Variants in PCDHA13 observed in about 807,000 individuals in gnomAD.
PCDHA13 encodes protocadherin alpha-13.
A neutral mutation model predicts 64.8 loss-of-function variants in PCDHA13; 54 were observed. That is an observed-to-expected ratio of 0.83 (90% CI 0.67 to 1.04). The LOEUF (loss-of-function observed/expected upper bound fraction) is 1.04. Ranked by LOEUF, PCDHA13 falls within the 50% of genes least tolerant of loss-of-function variation. PCDHA13 has a pLI of 0.00. For missense variants in PCDHA13, 1,248 were observed against 1,254.3 expected (o/e 0.99, Z 0.08); for synonymous variants, 587 against 564.4 (o/e 1.04, Z -0.57).
chr5:140,993,528 A>T lies in PCDHA13; in HGVS notation c.2542+10965A>T, dbSNP rs78672098. On this transcript the variant is annotated intron_variant, in intron 3 of 3. Transcript: ENST00000289272. ...CACACACGGGGAGAGAGAGACAGAG[A>T]GAGAGAGAGATAGAGAAGTGAAGTA... Among the ~76,000 whole-genome samples the T allele has an allele frequency of 6.6e-5, 10 of 152,092 alleles. No individual in the cohort carries two copies. In the East Asian group the frequency reaches 1.2e-3, roughly 18 times the overall value.
At chr5:140,915,732 G>A (rs1454734995) in intron 1 of PCDHA13, among the ~76,000 whole-genome samples, 2 of 151,870 alleles carry the variant, frequency 1.3e-5, no homozygotes, top group East Asian at 3.9e-4. Flanking sequence ...ATTGTGCTGG[G>A]TCAGACCTAT....
At chr5:140,983,379 C>T (rs1169260784) in intron 3 of PCDHA13, among the ~76,000 whole-genome samples, 1 of 152,162 alleles carries the variant, frequency 6.6e-6, no homozygotes, top group Non-Finnish European at 1.5e-5. Context: ...AGGCCCATCG[C>T]TGTGGCAGTT....
At chr5:140,978,566 T>G (rs1554239422) in intron 1 of PCDHA13, among the ~76,000 whole-genome samples, 1 of 152,204 alleles carries the variant, frequency 6.6e-6, no homozygotes, top group East Asian at 1.9e-4. Flanking sequence ...ATAGCTGTAA[T>G]ACTGAATTGG....
At chr5:140,893,608 T>C (rs2064082274) in intron 1 of PCDHA13, among the ~76,000 whole-genome samples, 1 of 152,256 alleles carries the variant, frequency 6.6e-6, no homozygotes, top group African/African-American at 2.4e-5. Flanking sequence ...TTCTCCTTCA[T>C]TTCTGAAGTA....
intron 1 of PCDHA13, among the ~76,000 whole-genome samples, chr5:140,909,441 C>A (rs971678951): frequency 2.6e-5 from 4 of 152,214 alleles, no homozygotes; most frequent in African/African-American, 9.7e-5. Flanking sequence ...AATCCACTGT[C>A]ATTCTCCAAG....
At position 141,009,849 on chromosome 5, in the gene PCDHA13, C is replaced by T. The variant is rs782348993; in HGVS notation, c.2765C>T (p.Thr922Ile). 54 of 1,613,364 alleles carry T rather than the reference C, an allele frequency of 3.3e-5. No individual in the cohort carries two copies. The South Asian group carries it at 5.8e-4, about 17-fold the overall frequency. ...DFITFGKKEETKKKKKKKKGN... is the reference protein window; with the variant it reads ...DFITFGKKEEIKKKKKKKKGN... ...ATAACCTTCGGCAAAAAGGAGGAGA[C>T]CAAGAAAAAGAAGAAAAAGAAGAAG... Residue 922 changes from threonine to isoleucine, a missense_variant, in exon 4 of 4, where the codon ACC becomes ATC. Transcript: ENST00000289272.
intron 1 of PCDHA13, among the ~76,000 whole-genome samples, chr5:140,954,414 G>A (rs1322356989): frequency 1.3e-5 from 2 of 152,010 alleles, no homozygotes; most frequent in Non-Finnish European, 2.9e-5. Flanking sequence ...GGGTAAAGGT[G>A]TTCCTTTTTC....
chr5:140,893,817 C>T (rs951661016), intron 1 of PCDHA13, among the ~76,000 whole-genome samples: 73 of 152,098 alleles, frequency 4.8e-4, no homozygotes, highest in African/African-American at 1.7e-3. Context: ...AGTCTGGTAC[C>T]GTAGACTACT....
intron 1 of PCDHA13, among the ~76,000 whole-genome samples, chr5:140,887,600 G>A (rs1306659335): frequency 6.6e-6 from 1 of 151,812 alleles, no homozygotes; most frequent in African/African-American, 2.4e-5. Context: ...TGATTGTGAT[G>A]TGCTTTAGTA....
chr5:140,927,236 T>G, intron 1 of PCDHA13: 1 of 1,614,120 alleles, frequency 6.2e-7, no homozygotes, highest in Non-Finnish European at 8.5e-7. Context: ...ATTCACGTCC[T>G]GGACACCAAT....
intron 3 of PCDHA13, among the ~76,000 whole-genome samples, chr5:140,985,205 G>C (rs1554246849): frequency 6.6e-6 from 1 of 152,092 alleles, no homozygotes; most frequent in African/African-American, 2.4e-5. Flanking sequence ...CCAAAGTGTT[G>C]GGATTACAGG....
At chr5:140,929,414 A>T (rs1174756115) in intron 1 of PCDHA13, 15 of 1,504,422 alleles carry the variant, frequency 1.0e-5, no homozygotes, top group Non-Finnish European at 1.3e-5. Context: ...GCCTTTCACA[A>T]CATTTCATCA....
chr5:140,908,824 C>T (rs1199416548), intron 1 of PCDHA13, among the ~76,000 whole-genome samples: 1 of 152,082 alleles, frequency 6.6e-6, no homozygotes, highest in African/African-American at 2.4e-5. Flanking sequence ...TTGGGTTACT[C>T]GATAAATGGG....
chr5:140,901,917 T>C (rs776284320), intron 1 of PCDHA13, among the ~76,000 whole-genome samples: 15 of 152,090 alleles, frequency 9.9e-5, no homozygotes, highest in Admixed American at 4.6e-4. Context: ...ATCTTTCACT[T>C]CTTTGGTTAA....
chr5:140,943,800 A>G (rs1470801059), intron 1 of PCDHA13, among the ~76,000 whole-genome samples: 1 of 152,218 alleles, frequency 6.6e-6, no homozygotes, highest in East Asian at 1.9e-4. Flanking sequence ...GCAAAGCAAA[A>G]GAGGAAAGTT....
intron 1 of PCDHA13, among the ~76,000 whole-genome samples, chr5:140,909,670 G>C (rs940080549): frequency 6.6e-6 from 1 of 152,142 alleles, no homozygotes; most frequent in African/African-American, 2.4e-5. Flanking sequence ...CACTCTACCA[G>C]TCAGGGAGCC....
intron 1 of PCDHA13, among the ~76,000 whole-genome samples, chr5:140,924,043 G>C (rs2081638586): frequency 6.6e-6 from 1 of 152,176 alleles, no homozygotes; most frequent in Non-Finnish European, 1.5e-5. Flanking sequence ...AGACCTAAAA[G>C]TTCGGTACAT....
intron 1 of PCDHA13, among the ~76,000 whole-genome samples, chr5:140,974,827 G>A (rs1356890991): frequency 6.6e-6 from 1 of 152,182 alleles, no homozygotes; most frequent in Admixed American, 6.5e-5. Flanking sequence ...GCAACATAAT[G>A]ATTATTTTAA....
At chr5:140,984,339 A>G (rs956761683) in intron 3 of PCDHA13, among the ~76,000 whole-genome samples, 2 of 152,246 alleles carry the variant, frequency 1.3e-5, no homozygotes, top group Non-Finnish European at 2.9e-5. Context: ...AATAGGAACC[A>G]TGTATTGATA....
Sources: gnomAD v4.1 joint callset for allele counts (sites outside exome capture counted in the v4.1 genomes callset) on GRCh38, gnomAD v4.1.1 for gene constraint, MANE v1.5 for transcripts, NCBI Gene and HGNC (gene_info 2026-07-23, HGNC 2026-07-21) for gene names.